SNTG1: variants seen among roughly 807,000 people sequenced by gnomAD.
SNTG1 encodes the protein gamma-1-syntrophin.
Under a neutral mutation model 74.7 loss-of-function variants are expected in SNTG1, and 39 were observed. The ratio of observed to expected loss-of-function variants is 0.52; its 90% CI spans 0.40 to 0.68. The LOEUF (loss-of-function observed/expected upper bound fraction) is 0.68. SNTG1 is among the 30% of genes least tolerant of loss of function. The probability of loss-of-function intolerance (pLI) is 0.00; values close to 1 mark genes in which losing one functional copy is unlikely to be tolerated. For missense variants in SNTG1, 685 were observed against 609.5 expected (o/e 1.12, Z -1.30); for synonymous variants, 254 against 217.1 (o/e 1.17, Z -1.49).
chr8:50,727,407 A>T (rs2095502767), intron 17 of SNTG1, among the ~76,000 whole-genome samples: 1 of 152,148 alleles, frequency 6.6e-6, no homozygotes, highest in African/African-American at 2.4e-5. Flanking sequence ...TCAACAGATG[A>T]TATTTCTAGA....
chr8:50,057,724 C>A (rs1309375388), intron 1 of SNTG1, among the ~76,000 whole-genome samples: 1 of 152,082 alleles, frequency 6.6e-6, no homozygotes, highest in East Asian at 1.9e-4. Context: ...GTCTACAAGA[C>A]CTGCAACCTG....
intron 8 of SNTG1, among the ~76,000 whole-genome samples, chr8:50,495,635 A>G (rs988803847): frequency 6.6e-6 from 1 of 152,050 alleles, no homozygotes; most frequent in South Asian, 2.1e-4. Context: ...TTACTTTCCA[A>G]TCCAACAGTA....
chr8:49,954,784 T>C (rs554885559), intron 1 of SNTG1, among the ~76,000 whole-genome samples: 1 of 152,286 alleles, frequency 6.6e-6, no homozygotes, highest in Non-Finnish European at 1.5e-5. Flanking sequence ...TACTTATTGT[T>C]CTGCAATATT....
intron 2 of SNTG1, among the ~76,000 whole-genome samples, chr8:50,244,554 T>G (rs1231105379): frequency 6.6e-6 from 1 of 152,182 alleles, no homozygotes; most frequent in East Asian, 1.9e-4. Flanking sequence ...TATATATTTT[T>G]AAATTCTAGG....
chr8:50,783,886 G>A lies in SNTG1; in HGVS notation c.1396-8785G>A, dbSNP rs1307545166. On this transcript the variant is annotated intron_variant, in intron 18 of 18. Transcript: ENST00000642720. ...TTTTCACTGGTTCTTGGTATGATGA[G>A]TGATCTTCTATTGGAATTACACATT... Among the ~76,000 whole-genome samples the A allele has an allele frequency of 4.9e-4, 74 of 152,214 alleles. 1 individual carries two copies. The highest frequency in any genetic ancestry group is 1.5e-5 in the Non-Finnish European group (1 of 68,038).
intron 3 of SNTG1, among the ~76,000 whole-genome samples, chr8:50,399,379 T>C (rs143834171): frequency 1.1e-3 from 164 of 152,362 alleles, no homozygotes; most frequent in African/African-American, 3.5e-3. Flanking sequence ...AGTATTTAAG[T>C]GAATGATAGC....
intron 13 of SNTG1, chr8:50,644,014 C>T (rs2095091031): frequency 6.6e-6 from 1 of 152,234 alleles, no homozygotes; most frequent in African/African-American, 2.4e-5. Context: ...ATGAGTCCAT[C>T]ACAGCTCAAC....
chr8:50,672,886 G>A lies in SNTG1; in HGVS notation c.1038+14223G>A, dbSNP rs192214784. On this transcript the variant is annotated intron_variant, in intron 15 of 18. Transcript: ENST00000642720. ...GTTTAAGGTGTAAGGAAGTAGTCCA[G>A]TTTCACTTTTCTGCAAATGGCTCAC... Among the ~76,000 whole-genome samples, 20 of 152,250 alleles carry A rather than the reference G, an allele frequency of 1.3e-4. No homozygotes were observed. The East Asian group carries it at 3.5e-3, about 26-fold the overall frequency.
At chr8:50,059,862 A>G (rs1317869841) in intron 1 of SNTG1, among the ~76,000 whole-genome samples, 22 of 152,098 alleles carry the variant, frequency 1.4e-4, no homozygotes, top group Non-Finnish European at 4.4e-5. Flanking sequence ...TATACCTAGA[A>G]GTAAAATTGC....
intron 12 of SNTG1, among the ~76,000 whole-genome samples, chr8:50,574,469 A>G (rs1027485335): frequency 6.6e-6 from 1 of 152,138 alleles, no homozygotes; most frequent in African/African-American, 2.4e-5. Context: ...CATTAAAGTG[A>G]AACATGTAGC....
At chr8:50,699,254 C>A (rs1381489291) in intron 15 of SNTG1, among the ~76,000 whole-genome samples, 6 of 151,896 alleles carry the variant, frequency 4.0e-5, no homozygotes, top group African/African-American at 1.5e-4. Flanking sequence ...TAAGTGGTCA[C>A]ATTCTTGTGA....
intron 13 of SNTG1, among the ~76,000 whole-genome samples, chr8:50,647,586 T>C (rs561379763): frequency 6.6e-6 from 1 of 152,206 alleles, no homozygotes; most frequent in African/African-American, 2.4e-5. Flanking sequence ...TTCTACTCAG[T>C]TTTGCTGTGA....
intron 2 of SNTG1, among the ~76,000 whole-genome samples, chr8:50,280,080 T>A (rs2088352033): frequency 6.6e-6 from 1 of 152,210 alleles, no homozygotes; most frequent in Admixed American, 6.6e-5. Context: ...TTATATATAC[T>A]AAAGAGACAT....
chr8:50,556,023 C>T (rs993416981), intron 12 of SNTG1, among the ~76,000 whole-genome samples: 2 of 152,100 alleles, frequency 1.3e-5, no homozygotes, highest in Non-Finnish European at 2.9e-5. Flanking sequence ...TTTTCATACC[C>T]AGTTTTTAAA....
intron 8 of SNTG1, among the ~76,000 whole-genome samples, chr8:50,490,578 G>C (rs913286372): frequency 6.6e-6 from 1 of 152,134 alleles, no homozygotes; most frequent in Non-Finnish European, 1.5e-5. Flanking sequence ...GTCTATTATT[G>C]GTGTACAGGA....
intron 13 of SNTG1, among the ~76,000 whole-genome samples, chr8:50,637,586 C>T (rs1473473056): frequency 1.3e-5 from 2 of 152,034 alleles, no homozygotes; most frequent in Non-Finnish European, 2.9e-5. Flanking sequence ...GTATTTAGTA[C>T]AATTTTTAGT....
At chr8:50,318,700 G>T (rs1351487574) in intron 2 of SNTG1, among the ~76,000 whole-genome samples, 1 of 152,130 alleles carries the variant, frequency 6.6e-6, no homozygotes, top group Non-Finnish European at 1.5e-5. Context: ...TGTGTTATCT[G>T]TGGAAATTTA....
intron 13 of SNTG1, among the ~76,000 whole-genome samples, chr8:50,622,238 G>A (rs79915201): frequency 0.033 from 5,076 of 152,262 alleles, 129 homozygotes; most frequent in African/African-American, 0.061. Context: ...GGTATCCTAC[G>A]TAGTTAAAAT....
intron 2 of SNTG1, among the ~76,000 whole-genome samples, chr8:50,356,404 C>A (rs1055466976): frequency 6.6e-6 from 1 of 152,066 alleles, no homozygotes; most frequent in Non-Finnish European, 1.5e-5. Flanking sequence ...TTCAATGTTG[C>A]CATAGAAATA....
Sources: allele counts gnomAD v4.1 joint callset (sites outside exome capture counted in the v4.1 genomes callset), GRCh38; gene constraint gnomAD v4.1.1; transcripts MANE v1.5; gene names NCBI Gene and HGNC (gene_info 2026-07-23, HGNC 2026-07-21).